The following GRIN2B variants were observed in gnomAD, a reference collection of about 807,000 sequenced individuals.
GRIN2B encodes glutamate ionotropic receptor NMDA type subunit 2B.
GRIN2B carries 5 observed loss-of-function variants against 114.5 expected under a neutral mutation model. The observed-to-expected ratio is 0.04, with a 90% CI of 0.02 to 0.09. The LOEUF (loss-of-function observed/expected upper bound fraction) is 0.09, where lower values mean the gene tolerates loss of function less well. GRIN2B is among the 10% of genes least tolerant of loss of function. The probability of loss-of-function intolerance (pLI) is 1.00; values close to 1 mark genes in which losing one functional copy is unlikely to be tolerated. For synonymous variants in GRIN2B, 787 were observed against 745.1 expected, an observed-to-expected ratio of 1.06 and a Z score of -0.92; for missense variants, 1,108 against 1,943.5, an observed-to-expected ratio of 0.57 and a Z score of 8.08.
At chr12:13,607,850 G>T (rs1949304983) in intron 10 of GRIN2B, among the ~76,000 whole-genome samples, 1 of 152,060 alleles carries the variant, frequency 6.6e-6, no homozygotes, top group Admixed American at 6.6e-5. Context: ...CTCCATGAAA[G>T]TGTCTCCCAT....
intron 9 of GRIN2B, 35 bp from the exon 10 acceptor site, chr12:13,608,867 C>T (rs778109501): frequency 3.3e-6 from 5 of 1,497,226 alleles, no homozygotes; most frequent in Non-Finnish European, 4.7e-6. Context: ...GAAAGTTAAG[C>T]CATTGTGGCT....
At chr12:13,737,053 G>C (rs891488781) in intron 4 of GRIN2B, among the ~76,000 whole-genome samples, 1 of 145,090 alleles carries the variant, frequency 6.9e-6, no homozygotes, top group Non-Finnish European at 1.5e-5. Context: ...AAAAGAAGAA[G>C]AAAAAGAACA....
intron 3 of GRIN2B, among the ~76,000 whole-genome samples, chr12:13,781,858 C>T (rs746514580): frequency 2.0e-5 from 3 of 152,170 alleles, no homozygotes; most frequent in Admixed American, 6.5e-5. Flanking sequence ...GATTCCTTCA[C>T]TCAGTGAGAT....
chr12:13,762,349 C>T (rs541000205), intron 3 of GRIN2B, among the ~76,000 whole-genome samples: 1 of 152,228 alleles, frequency 6.6e-6, no homozygotes, highest in East Asian at 1.9e-4. Context: ...ATTGCCTTAT[C>T]TCATCAAAAT....
At chr12:13,713,227 C>G (rs1031621379) in intron 4 of GRIN2B, among the ~76,000 whole-genome samples, 2 of 151,848 alleles carry the variant, frequency 1.3e-5, no homozygotes, top group Non-Finnish European at 2.9e-5. Context: ...TTTTCCCCTA[C>G]TCTTGGTCCA....
chr12:13,547,977 A>ATTTTTTTTTT lies in GRIN2B; in HGVS notation c.*14805_*14806insAAAAAAAAAA, dbSNP rs201147007. On this transcript the variant is annotated 3_prime_UTR_variant, in exon 14 of 14. Coordinates refer to ENST00000609686, the MANE Select transcript of GRIN2B (RefSeq NM_000834.5). ...TGTGTGTGTATATATATATATATAT[A>ATTTTTTTTTT]TATATTTTTTTTTTTTTTCTGAAAG... 7.0e-5 allele frequency: 4 copies of ATTTTTTTTTT among 57,376 alleles called. No individual in the cohort carries two copies. The highest frequency in any genetic ancestry group is 1.1e-4 in the Non-Finnish European group (3 of 27,530). The allele number at this position is 57,376 out of a possible 1,614,324, so 3.6% of individuals were successfully genotyped here.
At chr12:13,897,540 C>A (rs1483184545) in intron 2 of GRIN2B, among the ~76,000 whole-genome samples, 1 of 152,158 alleles carries the variant, frequency 6.6e-6, no homozygotes, top group Non-Finnish European at 1.5e-5. Context: ...CTATTTCAAT[C>A]TGTAGAAAAT....
intron 5 of GRIN2B, among the ~76,000 whole-genome samples, chr12:13,652,875 C>A (rs1476819711): frequency 6.6e-6 from 1 of 152,154 alleles, no homozygotes; most frequent in Non-Finnish European, 1.5e-5. Context: ...TCCTTCCCAG[C>A]AAGGTAGCTG....
At chr12:13,631,386 T>C (rs1266987405) in intron 5 of GRIN2B, among the ~76,000 whole-genome samples, 1 of 152,074 alleles carries the variant, frequency 6.6e-6, no homozygotes, top group Non-Finnish European at 1.5e-5. Context: ...AATATGAGGG[T>C]AAAAACATTT....
intron 10 of GRIN2B, among the ~76,000 whole-genome samples, chr12:13,604,965 G>C (rs557314365): frequency 6.6e-6 from 1 of 150,786 alleles, no homozygotes; most frequent in East Asian, 1.9e-4. Flanking sequence ...AGCTGTTAAG[G>C]GGCACTTGCT....
chr12:13,861,754 AT>A (rs1865756125), intron 3 of GRIN2B, among the ~76,000 whole-genome samples: 2 of 152,136 alleles, frequency 1.3e-5, no homozygotes, highest in African/African-American at 4.8e-5. Context: ...TTTCAACCAT[AT>A]GCCCTTCTTG....
At chr12:13,941,395 G>T (rs1046206355) in intron 2 of GRIN2B, among the ~76,000 whole-genome samples, 15 of 152,100 alleles carry the variant, frequency 9.9e-5, no homozygotes, top group African/African-American at 2.4e-4. Flanking sequence ...GCTGAGGCAG[G>T]TTGCCAAACC....
intron 3 of GRIN2B, among the ~76,000 whole-genome samples, chr12:13,864,686 T>C (rs925049806): frequency 5.9e-5 from 9 of 152,184 alleles, no homozygotes; most frequent in African/African-American, 2.2e-4. Context: ...AATAAAACGC[T>C]TTTTTCTGCA....
Position 13,681,609 on chromosome 12 carries a change from C to T in GRIN2B, c.1011-5750G>A, listed in dbSNP as rs983846908. On this transcript the variant is annotated intron_variant, in intron 4 of 13. Coordinates refer to ENST00000609686, the MANE Select transcript of GRIN2B (RefSeq NM_000834.5). ...TCATCTATAAAACAGGTGGTTCATA[C>T]CATCTTACTTGTCTGGTGTGAGAAG... Among the ~76,000 whole-genome samples, 23 of 152,234 alleles carry T rather than the reference C, an allele frequency of 1.5e-4. No individual in the cohort carries two copies. The East Asian group carries it at 2.1e-3, about 14-fold the overall frequency.
At chr12:13,797,666 T>G (rs573978525) in intron 3 of GRIN2B, among the ~76,000 whole-genome samples, 1 of 152,216 alleles carries the variant, frequency 6.6e-6, no homozygotes, top group Non-Finnish European at 1.5e-5. Flanking sequence ...TAAAAGCTAT[T>G]AAATAAACAA....
chr12:13,673,359 G>A (rs912064450), intron 5 of GRIN2B, among the ~76,000 whole-genome samples: 1 of 152,074 alleles, frequency 6.6e-6, no homozygotes, highest in Non-Finnish European at 1.5e-5. Context: ...GAGAATAAAG[G>A]CTTGGAAGGC....
chr12:13,794,004 C>T (rs1188957902), intron 3 of GRIN2B, among the ~76,000 whole-genome samples: 1 of 137,250 alleles, frequency 7.3e-6, no homozygotes, highest in African/African-American at 2.8e-5. Context: ...GAGTTAGAGA[C>T]CAGCCTGGGC....
chr12:13,924,786 A>AT (rs1331178330), intron 2 of GRIN2B, among the ~76,000 whole-genome samples: 9 of 152,082 alleles, frequency 5.9e-5, no homozygotes, highest in African/African-American at 1.9e-4. Flanking sequence ...AAAGTGTGTA[A>AT]TTTTTTAACC....
chr12:13,571,314 G>A (rs1948705564), intron 11 of GRIN2B, among the ~76,000 whole-genome samples: 1 of 152,076 alleles, frequency 6.6e-6, no homozygotes, highest in Non-Finnish European at 1.5e-5. Context: ...TCCTATGAAT[G>A]GACAAACACT....
Sources: allele counts gnomAD v4.1 joint callset (sites outside exome capture counted in the v4.1 genomes callset), GRCh38; gene constraint gnomAD v4.1.1; transcripts MANE v1.5; gene names NCBI Gene and HGNC (gene_info 2026-07-23, HGNC 2026-07-21).